OTUD6A: variants seen among roughly 807,000 people sequenced by gnomAD.
OTUD6A encodes OTU deubiquitinase 6A.
For missense variants in OTUD6A, 209 were observed against 268.2 expected (o/e 0.78, Z 1.54); for synonymous variants, 138 against 120.2 (o/e 1.15, Z -0.97).
Position 70,062,959 on chromosome X carries a change from G to T in OTUD6A, c.435G>T (p.Ala145=). 1 of 1,203,454 alleles carries T rather than the reference G, an allele frequency of 8.3e-7. No individual in the cohort carries two copies. Among genetic ancestry groups the T allele is most frequent in the African/African-American group, 1.7e-5 (1 of 57,565 alleles). The change falls in exon 1 of 1, where the codon GCG becomes GCT. Residue 145 remains alanine, a synonymous_variant. Coordinates refer to ENST00000338352, the MANE Select transcript of OTUD6A (RefSeq NM_207320.3). ...ILGARGLEMK[A]IPADGHCMYR... ...GAGCCAGGGGTCTGGAGATGAAAGC[G>T]ATCCCGGCCGACGGCCACTGCATGT... is the stretch of plus-strand genomic sequence containing the variant.
At position 70,063,350 on chromosome X, in the gene OTUD6A, G is replaced by C. The variant is rs141916254; in HGVS notation, c.826G>C (p.Glu276Gln). The C allele has an allele frequency of 1.4e-4, 168 of 1,200,699 alleles. 1 individual carries two copies. In the African/African-American group the frequency reaches 2.2e-3, roughly 16 times the overall value. ...GEHYNSVTPL[E>Q]AGAAGGVLPR... Reference sequence around the variant, plus strand: ...GCACTACAACTCCGTGACACCGCTCGAGGCCGGCGCCGCCGGGGGCGTGCT... The same window carrying C: ...GCACTACAACTCCGTGACACCGCTCCAGGCCGGCGCCGCCGGGGGCGTGCT... The change falls in exon 1 of 1, where the codon GAG becomes CAG. Residue 276 changes from glutamate to glutamine, a missense_variant. Physicochemically the swap from Glu to Gln is conservative, Grantham distance 29 (BLOSUM62 2). Transcript: ENST00000338352.
Position 70,063,159 on chromosome X carries a change from G to T in OTUD6A, c.635G>T (p.Arg212Leu). ...ATGATCTACTGCGACAACATCGTGC[G>T]CACCACGGCATGGGGAGGCCAGCTG... The part of the protein sequence containing the change: ...DFMIYCDNIV[R>L]TTAWGGQLEL... Residue 212 changes from arginine (R) to leucine (L), a missense_variant, in exon 1 of 1, where the codon CGC (arginine) becomes CTC (leucine). Coordinates refer to ENST00000338352, the MANE Select transcript of OTUD6A (RefSeq NM_207320.3). 1 of 1,211,224 alleles carries T rather than the reference G, an allele frequency of 8.3e-7. No homozygotes were observed.
In OTUD6A at chrX:70,063,513, A is replaced by G; in HGVS notation, c.*122A>G. 1 of 881,073 alleles carries G rather than the reference A, an allele frequency of 1.1e-6. No individual in the cohort carries two copies. Among genetic ancestry groups the G allele is most frequent in the Non-Finnish European group, 1.5e-6 (1 of 660,284 alleles). 72.6% of individuals were successfully genotyped at this position (881,073 alleles called of 1,213,427 possible). On this transcript the variant is annotated 3_prime_UTR_variant, in exon 1 of 1. Coordinates refer to ENST00000338352, the MANE Select transcript of OTUD6A (RefSeq NM_207320.3). The stretch of plus-strand genomic sequence containing the variant: ...CTTTTCCTTCCTTTTAATCAAAACT[A>G]CCCGCCCCCGCCCCGCCCCCGCTTT...
Position 70,063,272 on chromosome X carries a change from G to C in OTUD6A, c.748G>C (p.Val250Leu). The C allele has an allele frequency of 8.3e-7, 1 of 1,211,160 alleles. No homozygotes were observed. Among genetic ancestry groups the C allele is most frequent in the South Asian group, 1.8e-5 (1 of 56,963 alleles). ...CACCTTGATCATCGGGGAGGAGTAC[G>C]TCAAGAAGCCGATCATCCTGGTCTA... ...SPTLIIGEEY[V>L]KKPIILVYLR... is the part of the protein sequence containing the mutation. The change falls in exon 1 of 1, where the codon GTC becomes CTC. Residue 250 changes from valine (V) to leucine (L), a missense_variant. By Grantham distance (32) the Val-to-Leu change is conservative (BLOSUM62 1). Coordinates refer to ENST00000338352, the MANE Select transcript of OTUD6A (RefSeq NM_207320.3).
chrX:70,063,127 C>T lies in OTUD6A; in HGVS notation c.603C>T (p.Asp201=), dbSNP rs774761057. 1.6e-5 allele frequency: 19 copies of T among 1,209,752 alleles called. No individual in the cohort carries two copies. Among genetic ancestry groups the T allele is most frequent in the East Asian group, 5.9e-5 (2 of 33,745 alleles). ...NPETSDSFGY[D]DFMIYCDNIV... ...AGACCAGCGACTCCTTCGGCTACGA[C>T]GACTTCATGATCTACTGCGACAACA... Residue 201 remains aspartate, a synonymous_variant, in exon 1 of 1, where the codon GAC becomes GAT. Transcript: ENST00000338352.
chrX:70,062,824 A>G lies in OTUD6A; in HGVS notation c.300A>G (p.Arg100=), dbSNP rs938783381. 1.7e-6 allele frequency: 2 copies of G among 1,202,706 alleles called. No homozygotes were observed. The highest frequency in any genetic ancestry group is 4.4e-5 in the Admixed American group (2 of 45,120). ...RSSKAHRKRE[R]MESEERERQE... ...CCAAAGCCCACAGAAAGAGAGAAAG[A>G]ATGGAGTCCGAGGAGAGGGAGCGCC... Residue 100 remains arginine (R), a synonymous_variant, in exon 1 of 1, where the codon AGA becomes AGG. Coordinates refer to ENST00000338352, the MANE Select transcript of OTUD6A (RefSeq NM_207320.3).
Position 70,063,679 on chromosome X carries a change from A to G in OTUD6A, c.*288A>G. 1 of 285,839 alleles carries G rather than the reference A, an allele frequency of 3.5e-6. No homozygotes were observed. Among genetic ancestry groups the G allele is most frequent in the Non-Finnish European group, 6.4e-6 (1 of 156,846 alleles). 23.6% of individuals were successfully genotyped at this position (285,839 alleles called of 1,213,427 possible). A position where few individuals can be genotyped will look rare whatever the true frequency, so the allele number is the denominator to read the frequency against. ...CTCTTCTTGCCCTTAAGGGTCTTTT[A>G]CCTCCCTCACCAACTAAGATTTGGT... On this transcript the variant is annotated 3_prime_UTR_variant, in exon 1 of 1. Transcript: ENST00000338352.
Position 70,063,523 on chromosome X carries a change from G to A in OTUD6A, c.*132G>A, listed in dbSNP as rs1602637426. On this transcript the variant is annotated 3_prime_UTR_variant, in exon 1 of 1. Transcript: ENST00000338352. ...CTTTTAATCAAAACTACCCGCCCCC[G>A]CCCCGCCCCCGCTTTCCTAACCTTG... 1 of 820,508 alleles carries A rather than the reference G, an allele frequency of 1.2e-6. No individual in the cohort carries two copies. The highest frequency in any genetic ancestry group is 1.6e-6 in the Non-Finnish European group (1 of 609,529). The allele number at this position is 820,508 out of a possible 1,213,427, so 67.6% of individuals were successfully genotyped here. A position where few individuals can be genotyped will look rare whatever the true frequency, so the allele number is the denominator to read the frequency against.
In OTUD6A at chrX:70,062,611, A is replaced by T; in HGVS notation, c.87A>T (p.Leu29Phe). Residue 29 changes from leucine (L) to phenylalanine (F), a missense_variant, in exon 1 of 1, where the codon TTA becomes TTT. Physicochemically the swap from Leu to Phe is conservative, Grantham distance 22 (BLOSUM62 0). Transcript: ENST00000338352. ...AGCTGCAGGCCCAGATCCGGAGCTTAAAAAACTCGGTCCCCAAGACCGACA... is the reference window on the plus strand; with the variant it reads ...AGCTGCAGGCCCAGATCCGGAGCTTTAAAAACTCGGTCCCCAAGACCGACA... ...RQELQAQIRS[L>F]KNSVPKTDKT... 2 of 1,209,979 alleles carry T rather than the reference A, an allele frequency of 1.7e-6. No homozygotes were observed. Among genetic ancestry groups the T allele is most frequent in the Non-Finnish European group, 1.1e-6 (1 of 894,592 alleles).
Position 70,063,405 on chromosome X carries a change from G to C in OTUD6A, c.*14G>C. 1 of 1,161,325 alleles carries C rather than the reference G, an allele frequency of 8.6e-7. No individual in the cohort carries two copies. The highest frequency in any genetic ancestry group is 2.5e-5 in the Admixed American group (1 of 40,304). On this transcript the variant is annotated 3_prime_UTR_variant, in exon 1 of 1. Coordinates refer to ENST00000338352, the MANE Select transcript of OTUD6A (RefSeq NM_207320.3). ...CGTCTCCTGTAGGCCCCAAGGCGCTGAGCAGCCCCGGGAAACTGTCGCCGT... is the reference window on the plus strand; with the variant it reads ...CGTCTCCTGTAGGCCCCAAGGCGCTCAGCAGCCCCGGGAAACTGTCGCCGT...
At position 70,063,148 on chromosome X, in the gene OTUD6A, C is replaced by T; in HGVS notation, c.624C>T (p.Asp208=). 4 of 1,211,621 alleles carry T rather than the reference C, an allele frequency of 3.3e-6. No homozygotes were observed. Among genetic ancestry groups the T allele is most frequent in the Non-Finnish European group, 4.5e-6 (4 of 895,553 alleles). ...FGYDDFMIYC[D]NIVRTTAWGG... ...ACGACGACTTCATGATCTACTGCGA[C>T]AACATCGTGCGCACCACGGCATGGG... The change falls in exon 1 of 1, where the codon GAC becomes GAT. Residue 208 remains aspartate, a synonymous_variant. Coordinates refer to ENST00000338352, the MANE Select transcript of OTUD6A (RefSeq NM_207320.3).
In OTUD6A at chrX:70,063,352, G is replaced by C; in HGVS notation, c.828G>C (p.Glu276Asp). 1 of 1,200,940 alleles carries C rather than the reference G, an allele frequency of 8.3e-7. No individual in the cohort carries two copies. Residue 276 changes from glutamate (E) to aspartate (D), a missense_variant, in exon 1 of 1, where the codon GAG (glutamate) becomes GAC (aspartate). Transcript: ENST00000338352. ...ACTACAACTCCGTGACACCGCTCGAGGCCGGCGCCGCCGGGGGCGTGCTCC... is the reference window on the plus strand; with the variant it reads ...ACTACAACTCCGTGACACCGCTCGACGCCGGCGCCGCCGGGGGCGTGCTCC... ...GEHYNSVTPL[E>D]AGAAGGVLPR...
chrX:70,062,792 C>T lies in OTUD6A; in HGVS notation c.268C>T (p.Arg90Cys). The T allele has an allele frequency of 1.7e-6, 2 of 1,207,656 alleles. No individual in the cohort carries two copies. The highest frequency in any genetic ancestry group is 2.2e-6 in the Non-Finnish European group (2 of 893,603). ...GATGAATCTGGAAAACCGGCCTCCCCGCTCCTCCAAAGCCCACAGAAAGAG... is the reference window on the plus strand; with the variant it reads ...GATGAATCTGGAAAACCGGCCTCCCTGCTCCTCCAAAGCCCACAGAAAGAG... ...AKMNLENRPP[R>C]SSKAHRKRER... Residue 90 changes from arginine to cysteine, a missense_variant, in exon 1 of 1, where the codon CGC becomes TGC. Transcript: ENST00000338352.
Position 70,063,350 on chromosome X carries a change from G to A in OTUD6A, c.826G>A (p.Glu276Lys), listed in dbSNP as rs141916254. Residue 276 changes from glutamate to lysine, a missense_variant, in exon 1 of 1, where the codon GAG becomes AAG. Coordinates refer to ENST00000338352, the MANE Select transcript of OTUD6A (RefSeq NM_207320.3). ...GEHYNSVTPLEAGAAGGVLPR... is the reference protein window; with the variant it reads ...GEHYNSVTPLKAGAAGGVLPR... Reference sequence around the variant, plus strand: ...GCACTACAACTCCGTGACACCGCTCGAGGCCGGCGCCGCCGGGGGCGTGCT... The same window carrying A: ...GCACTACAACTCCGTGACACCGCTCAAGGCCGGCGCCGCCGGGGGCGTGCT... The A allele has an allele frequency of 8.3e-7, 1 of 1,202,015 alleles. No individual in the cohort carries two copies. The highest frequency in any genetic ancestry group is 1.1e-6 in the Non-Finnish European group (1 of 890,382).
In OTUD6A at chrX:70,063,361, C is replaced by T. The variant is rs766943755; in HGVS notation, c.837C>T (p.Ala279=). The T allele has an allele frequency of 1.2e-5, 14 of 1,196,020 alleles. 1 individual carries two copies. The South Asian group carries it at 2.4e-4, about 20-fold the overall frequency. ...CCGTGACACCGCTCGAGGCCGGCGC[C>T]GCCGGGGGCGTGCTCCCGCGTCTCC... ...YNSVTPLEAG[A]AGGVLPRLL The change falls in exon 1 of 1, where the codon GCC becomes GCT. Residue 279 remains alanine (A), a synonymous_variant. Transcript: ENST00000338352.
At position 70,063,405 on chromosome X, in the gene OTUD6A, G is replaced by A. The variant is rs761722209; in HGVS notation, c.*14G>A. On this transcript the variant is annotated 3_prime_UTR_variant, in exon 1 of 1. Transcript: ENST00000338352. ...CGTCTCCTGTAGGCCCCAAGGCGCT[G>A]AGCAGCCCCGGGAAACTGTCGCCGT... is the stretch of plus-strand genomic sequence containing the variant. 1 of 1,162,567 alleles carries A rather than the reference G, an allele frequency of 8.6e-7. No individual in the cohort carries two copies. The highest frequency in any genetic ancestry group is 3.1e-5 in the East Asian group (1 of 32,390).
At position 70,063,427 on chromosome X, in the gene OTUD6A, C is replaced by A; in HGVS notation, c.*36C>A. 8.8e-7 allele frequency: 1 copy of A among 1,136,408 alleles called. No individual in the cohort carries two copies. The allele number at this position is 1,136,408 out of a possible 1,213,427, so 93.7% of individuals were successfully genotyped here. ...GCTGAGCAGCCCCGGGAAACTGTCG[C>A]CGTCGCCGCATCTCCTCAGTAGGCT... On this transcript the variant is annotated 3_prime_UTR_variant, in exon 1 of 1. Coordinates refer to ENST00000338352, the MANE Select transcript of OTUD6A (RefSeq NM_207320.3).
In OTUD6A at chrX:70,063,444, C is replaced by T; in HGVS notation, c.*53C>T. The T allele has an allele frequency of 9.2e-7, 1 of 1,084,610 alleles. No individual in the cohort carries two copies. Among genetic ancestry groups the T allele is most frequent in the African/African-American group, 1.9e-5 (1 of 53,869 alleles). The allele number at this position is 1,084,610 out of a possible 1,213,427, so 89.4% of individuals were successfully genotyped here. A position where few individuals can be genotyped will look rare whatever the true frequency, so the allele number is the denominator to read the frequency against. On this transcript the variant is annotated 3_prime_UTR_variant, in exon 1 of 1. Transcript: ENST00000338352. The stretch of plus-strand genomic sequence containing the variant: ...AACTGTCGCCGTCGCCGCATCTCCT[C>T]AGTAGGCTCAGTTTATTTTCCCCTT...
Position 70,062,587 on chromosome X carries a change from G to A in OTUD6A, c.63G>A (p.Glu21=). 9 of 1,209,254 alleles carry A rather than the reference G, an allele frequency of 7.4e-6. No individual in the cohort carries two copies. Among genetic ancestry groups the A allele is most frequent in the South Asian group, 1.8e-5 (1 of 56,510 alleles). ...GCCGCCACCAACGCGAGAGGCAGGA[G>A]CTGCAGGCCCAGATCCGGAGCTTAA... The part of the protein sequence containing the change: ...ILRRHQRERQ[E]LQAQIRSLKN... The change falls in exon 1 of 1, where the codon GAG becomes GAA. Residue 21 remains glutamate, a synonymous_variant. Coordinates refer to ENST00000338352, the MANE Select transcript of OTUD6A (RefSeq NM_207320.3).
Sources: allele counts gnomAD v4.1 joint callset, GRCh38; gene constraint gnomAD v4.1.1; transcripts MANE v1.5; gene names NCBI Gene and HGNC (gene_info 2026-07-23, HGNC 2026-07-21).